The following PCDHGB7 variants were observed in gnomAD, a reference collection of about 807,000 sequenced individuals.
PCDHGB7 encodes the protein protocadherin gamma-B7.
PCDHGB7 carries 37 observed loss-of-function variants against 61.4 expected under a neutral mutation model. The observed-to-expected ratio is 0.60, with a 90% CI of 0.46 to 0.79. The LOEUF (loss-of-function observed/expected upper bound fraction) is 0.79. PCDHGB7 is among the 30% of genes least tolerant of loss of function. The probability of loss-of-function intolerance (pLI) is 0.00; values close to 1 mark genes in which losing one functional copy is unlikely to be tolerated. For missense variants in PCDHGB7, 1,166 were observed against 1,202.5 expected (o/e 0.97, Z 0.45); for synonymous variants, 464 against 503.5 (o/e 0.92, Z 1.05).
intron 1 of PCDHGB7, among the ~76,000 whole-genome samples, chr5:141,467,305 G>A (rs535466592): frequency 1.3e-5 from 2 of 152,078 alleles, no homozygotes; most frequent in African/African-American, 4.8e-5. Flanking sequence ...CACTCACCTC[G>A]GCCTCCCACA....
Position 141,431,585 on chromosome 5 carries a change from G to A in PCDHGB7, c.2415+11311G>A. 6.2e-7 allele frequency: 1 copy of A among 1,614,204 alleles called. No individual in the cohort carries two copies. The highest frequency in any genetic ancestry group is 1.6e-4 in the Middle Eastern group (1 of 6,062). On this transcript the variant is annotated intron_variant, in intron 1 of 3. Transcript: ENST00000398594. This position sits in a 1 kb window ranked among gnomAD's most constrained non-coding sequence, Gnocchi z 4.8. ...CGACCCTGACGAAGGAGTCAATGCG[G>A]AAGTGAGGTATTCCTTCCGGTATGT...
At chr5:141,449,837 T>A (rs917239289) in intron 1 of PCDHGB7, among the ~76,000 whole-genome samples, 3 of 151,742 alleles carry the variant, frequency 2.0e-5, no homozygotes, top group Non-Finnish European at 4.4e-5. Context: ...TTCTTTTATA[T>A]AATTAAATTT....
chr5:141,485,093 T>C lies in PCDHGB7; in HGVS notation c.2416-9714T>C. 1 of 1,076,296 alleles carries C rather than the reference T, an allele frequency of 9.3e-7. No homozygotes were observed. Among genetic ancestry groups the C allele is most frequent in the Non-Finnish European group, 1.4e-6 (1 of 718,118 alleles). 66.7% of individuals were successfully genotyped at this position (1,076,296 alleles called of 1,614,324 possible). ...TGGCGCGGGGAAAGGGAGATAGGTG[T>C]CTCCAGCTGCTGTGGCTGTTTGGGG... On this transcript the variant is annotated intron_variant, in intron 1 of 3. Coordinates refer to ENST00000398594, the MANE Select transcript of PCDHGB7 (RefSeq NM_018927.4). The surrounding 1 kb of genome is among the most constrained non-coding windows in gnomAD (Gnocchi z 5.7).
chr5:141,472,779 A>C (rs908169292), intron 1 of PCDHGB7, among the ~76,000 whole-genome samples: 5 of 152,012 alleles, frequency 3.3e-5, no homozygotes, highest in Non-Finnish European at 7.4e-5. Context: ...TGAGGTTGGG[A>C]GTTCAAGATC....
intron 1 of PCDHGB7, chr5:141,442,382 T>C (rs1256682275): frequency 6.6e-6 from 1 of 152,290 alleles, no homozygotes; most frequent in East Asian, 1.9e-4. Flanking sequence ...CTACCAGGTG[T>C]GTGCTTCTCC....
At chr5:141,466,716 T>A (rs2099127818) in intron 1 of PCDHGB7, among the ~76,000 whole-genome samples, 1 of 152,210 alleles carries the variant, frequency 6.6e-6, no homozygotes, top group South Asian at 2.1e-4. Flanking sequence ...TGTTCTTGTT[T>A]CCATTTTAGC....
At chr5:141,479,685 G>C (rs749895405) in intron 1 of PCDHGB7, 2 of 152,130 alleles carry the variant, frequency 1.3e-5, no homozygotes, top group Non-Finnish European at 2.9e-5. Context: ...AGTCTTTTTG[G>C]TGCCTCCAGT....
In PCDHGB7 at chr5:141,418,254, A is replaced by T. The variant is rs1217236221; in HGVS notation, c.395A>T (p.Gln132Leu). Residue 132 changes from glutamine to leucine, a missense_variant, in exon 1 of 4, where the codon CAA (glutamine) becomes CTA (leucine). Coordinates refer to ENST00000398594, the MANE Select transcript of PCDHGB7 (RefSeq NM_018927.4). ...GAGGATGTTAATGACCACGCCCCTC[A>T]ATTCCGGAAAGATGAAATAAACTTA... ...VIEDVNDHAPQFRKDEINLEI... is the reference protein window; with the variant it reads ...VIEDVNDHAPLFRKDEINLEI... The T allele has an allele frequency of 1.2e-6, 2 of 1,613,904 alleles. No individual in the cohort carries two copies. The highest frequency in any genetic ancestry group is 2.7e-5 in the African/African-American group (2 of 74,938).
intron 1 of PCDHGB7, among the ~76,000 whole-genome samples, chr5:141,444,646 G>T (rs1023259048): frequency 1.3e-5 from 2 of 152,098 alleles, no homozygotes; most frequent in Non-Finnish European, 2.9e-5. Flanking sequence ...TGAGGTAGGG[G>T]TTGAAGTTAT....
At chr5:141,427,678 C>T in intron 1 of PCDHGB7, 1 of 822,634 alleles carries the variant, frequency 1.2e-6, no homozygotes, top group Non-Finnish European at 2.0e-6. Flanking sequence ...AACAACCTTC[C>T]CGGAGCCTCC....
chr5:141,432,745 G>A lies in PCDHGB7; in HGVS notation c.2415+12471G>A, dbSNP rs138883931. ...TCTCCGCCACTGTCACGCTCACCGT[G>A]GCCGTGGCCGACAGCATCCCCCAAG... On this transcript the variant is annotated intron_variant, in intron 1 of 3. Coordinates refer to ENST00000398594, the MANE Select transcript of PCDHGB7 (RefSeq NM_018927.4). This position sits in a 1 kb window ranked among gnomAD's most constrained non-coding sequence, Gnocchi z 6.0. 311 of 1,614,110 alleles carry A rather than the reference G, an allele frequency of 1.9e-4. No individual in the cohort carries two copies. The African/African-American group carries it at 3.5e-3, about 18-fold the overall frequency.
rs1429860093 is a variant in PCDHGB7, at chr5:141,487,828, C to A, written c.2416-6979C>A. 3 of 1,184,120 alleles carry A rather than the reference C, an allele frequency of 2.5e-6. No individual in the cohort carries two copies. The highest frequency in any genetic ancestry group is 1.5e-5 in the African/African-American group (1 of 64,540). The allele number at this position is 1,184,120 out of a possible 1,614,324, so 73.4% of individuals were successfully genotyped here. A position where few individuals can be genotyped will look rare whatever the true frequency, so the allele number is the denominator to read the frequency against. ...AGTTTAGCATTGGGGGCGGGTCATG[C>A]CTATATCTGAGTAAGAAATGAAAGT... On this transcript the variant is annotated intron_variant, in intron 1 of 3. Coordinates refer to ENST00000398594, the MANE Select transcript of PCDHGB7 (RefSeq NM_018927.4). The surrounding 1 kb of genome is among the most constrained non-coding windows in gnomAD (Gnocchi z 5.0).
chr5:141,478,652 G>A (rs188883724), intron 1 of PCDHGB7: 2 of 1,551,970 alleles, frequency 1.3e-6, no homozygotes, highest in East Asian at 2.4e-5. Flanking sequence ...TGTTTTCCTG[G>A]TGATGCATTC....
Position 141,477,609 on chromosome 5 carries a change from A to T in PCDHGB7, c.2416-17198A>T, listed in dbSNP as rs775454070. The T allele has an allele frequency of 6.2e-7, 1 of 1,614,192 alleles. No homozygotes were observed. The highest frequency in any genetic ancestry group is 1.1e-5 in the South Asian group (1 of 91,082). ...GCTCGGCTTTCTTTCTTTCTCTTGG[A>T]GCAAGGAGCTGAAACCGGGCTAGTG... On this transcript the variant is annotated intron_variant, in intron 1 of 3. Transcript: ENST00000398594. The surrounding 1 kb of genome is among the most constrained non-coding windows in gnomAD (Gnocchi z 4.9).
intron 1 of PCDHGB7, among the ~76,000 whole-genome samples, chr5:141,435,478 C>A (rs1279447863): frequency 6.6e-6 from 1 of 152,146 alleles, no homozygotes; most frequent in Non-Finnish European, 1.5e-5. Flanking sequence ...TTAGACATTT[C>A]TTTTGCCCAT....
chr5:141,498,971 GGGAAGGAAGGAAGGAAGGAAGGAAGGAA>G (rs201769957), intron 2 of PCDHGB7, among the ~76,000 whole-genome samples: 8 of 111,052 alleles, frequency 7.2e-5, no homozygotes, highest in South Asian at 3.8e-4. Flanking sequence ...GAGGGAGGGA[GGGAAGGAAGGAAGGAAGGAAGGAAGGAA>G]GGAAGGAAGG....
chr5:141,486,345 A>C lies in PCDHGB7; in HGVS notation c.2416-8462A>C. On this transcript the variant is annotated intron_variant, in intron 1 of 3. Coordinates refer to ENST00000398594, the MANE Select transcript of PCDHGB7 (RefSeq NM_018927.4). This position sits in a 1 kb window ranked among gnomAD's most constrained non-coding sequence, Gnocchi z 5.0. Reference sequence around the variant, plus strand: ...GGAGATGTGAGCCTCCGCATTCCTGACCACTTGCCATTTGCCCTCAAGTCT... The same window carrying C: ...GGAGATGTGAGCCTCCGCATTCCTGCCCACTTGCCATTTGCCCTCAAGTCT... The C allele has an allele frequency of 6.2e-7, 1 of 1,613,940 alleles. No homozygotes were observed. The highest frequency in any genetic ancestry group is 8.5e-7 in the Non-Finnish European group (1 of 1,179,986).
intron 1 of PCDHGB7, among the ~76,000 whole-genome samples, chr5:141,449,042 A>G (rs1211970675): frequency 6.6e-6 from 1 of 152,186 alleles, no homozygotes; most frequent in Non-Finnish European, 1.5e-5. Context: ...ATTATTAACC[A>G]GTCTCATAAA....
chr5:141,426,958 C>A (rs1176636556), intron 1 of PCDHGB7: 1 of 456,728 alleles, frequency 2.2e-6, no homozygotes, highest in South Asian at 1.5e-5. Context: ...GGCACTGCTG[C>A]AATTCAAATT....
Sources: gnomAD v4.1 joint callset for allele counts (sites outside exome capture counted in the v4.1 genomes callset) on GRCh38, gnomAD v4.1.1 for gene constraint, Gnocchi (gnomAD v3.1) non-coding constraint, MANE v1.5 for transcripts, NCBI Gene and HGNC (gene_info 2026-07-23, HGNC 2026-07-21) for gene names.